Variants in NKAIN2 observed in about 807,000 individuals in gnomAD.
NKAIN2 encodes the protein sodium/potassium-transporting ATPase subunit beta-1-interacting protein 2.
A neutral mutation model predicts 32.6 loss-of-function variants in NKAIN2; 14 were observed. The ratio of observed to expected loss-of-function variants is 0.43; its 90% confidence interval spans 0.28 to 0.67. NKAIN2 has a LOEUF of 0.67. NKAIN2 is among the 30% of genes least tolerant of loss of function. The pLI, the probability that NKAIN2 is intolerant of heterozygous loss-of-function variation, is 0.17. For missense variants in NKAIN2, 198 were observed against 258.3 expected (o/e 0.77, Z 1.60); for synonymous variants, 80 against 87.2 (o/e 0.92, Z 0.46).
At chr6:124,050,807 G>C (rs1361909038) in intron 1 of NKAIN2, among the ~76,000 whole-genome samples, 1 of 151,960 alleles carries the variant, frequency 6.6e-6, no homozygotes, top group African/African-American at 2.4e-5. Flanking sequence ...AAAAACTTGA[G>C]TTTTTCAAAT....
chr6:124,560,926 G>A (rs968213922), intron 3 of NKAIN2, among the ~76,000 whole-genome samples: 7 of 152,178 alleles, frequency 4.6e-5, no homozygotes, highest in Non-Finnish European at 7.3e-5. Context: ...GGAAGATGCT[G>A]CAGAGGTAGG....
chr6:124,223,037 C>A (rs897261052), intron 1 of NKAIN2, among the ~76,000 whole-genome samples: 6 of 151,802 alleles, frequency 4.0e-5, no homozygotes, highest in African/African-American at 1.2e-4. Flanking sequence ...CATGGTGAAA[C>A]CCTGTCTCTA....
At chr6:124,643,848 A>C (rs766948484) in intron 3 of NKAIN2, among the ~76,000 whole-genome samples, 1 of 152,128 alleles carries the variant, frequency 6.6e-6, no homozygotes, top group Non-Finnish European at 1.5e-5. Flanking sequence ...TGCAACTCTC[A>C]CACTCCATCT....
intron 3 of NKAIN2, among the ~76,000 whole-genome samples, chr6:124,600,501 T>C (rs2114979484): frequency 6.6e-6 from 1 of 152,250 alleles, no homozygotes; most frequent in East Asian, 1.9e-4. Flanking sequence ...CAGGGATTCA[T>C]GTTTATAATT....
intron 1 of NKAIN2, among the ~76,000 whole-genome samples, chr6:124,018,294 C>T (rs1157163728): frequency 6.6e-6 from 1 of 152,184 alleles, no homozygotes; most frequent in Non-Finnish European, 1.5e-5. Context: ...TCCTTCTACA[C>T]TCTGGGCCTG....
intron 4 of NKAIN2, among the ~76,000 whole-genome samples, chr6:124,783,507 T>A (rs1194183044): frequency 6.6e-6 from 1 of 152,180 alleles, no homozygotes; most frequent in Non-Finnish European, 1.5e-5. Flanking sequence ...CAGTAGGCTG[T>A]GAACATTCAC....
chr6:124,571,605 G>T (rs117503923), intron 3 of NKAIN2, among the ~76,000 whole-genome samples: 1 of 152,100 alleles, frequency 6.6e-6, no homozygotes, highest in Non-Finnish European at 1.5e-5. Context: ...TGATTCTGAT[G>T]CCTCCTCAGC....
chr6:123,958,335 C>T (rs1439187089), intron 1 of NKAIN2, among the ~76,000 whole-genome samples: 4 of 152,206 alleles, frequency 2.6e-5, no homozygotes, highest in Non-Finnish European at 4.4e-5. Flanking sequence ...AGCCTTATCC[C>T]CATGAAGGCA....
chr6:123,860,708 C>T (rs1462010930), intron 1 of NKAIN2, among the ~76,000 whole-genome samples: 1 of 152,174 alleles, frequency 6.6e-6, no homozygotes, highest in Non-Finnish European at 1.5e-5. Context: ...CCATGCGTGG[C>T]AATAGTGTAT....
chr6:124,060,406 A>G (rs527975929), intron 1 of NKAIN2, among the ~76,000 whole-genome samples: 1 of 152,230 alleles, frequency 6.6e-6, no homozygotes, highest in Non-Finnish European at 1.5e-5. Context: ...CACGTCCTCC[A>G]CCCAGCTAGG....
At chr6:123,839,531 A>G (rs1774777869) in intron 1 of NKAIN2, among the ~76,000 whole-genome samples, 1 of 152,106 alleles carries the variant, frequency 6.6e-6, no homozygotes, top group Non-Finnish European at 1.5e-5. Flanking sequence ...CATTAAAAAA[A>G]ATGTTCTTAG....
At chr6:124,346,699 C>G (rs199730472) in intron 2 of NKAIN2, among the ~76,000 whole-genome samples, 9,096 of 151,592 alleles carry the variant, frequency 0.06, 508 homozygotes, top group African/African-American at 0.15. Context: ...AGATCTTCCT[C>G]CATCCTTTTA....
chr6:124,604,400 C>A (rs1457889765), intron 3 of NKAIN2, among the ~76,000 whole-genome samples: 3 of 152,000 alleles, frequency 2.0e-5, no homozygotes, highest in East Asian at 3.9e-4. Flanking sequence ...GTTTTATCTA[C>A]ATATTTGGGT....
intron 3 of NKAIN2, among the ~76,000 whole-genome samples, chr6:124,370,324 G>A (rs1167009337): frequency 6.6e-6 from 1 of 151,928 alleles, no homozygotes; most frequent in African/African-American, 2.4e-5. Flanking sequence ...CTCTTTATAG[G>A]TTATATTTTT....
At chr6:124,303,197 G>C (rs1366806707) in intron 2 of NKAIN2, among the ~76,000 whole-genome samples, 1 of 152,190 alleles carries the variant, frequency 6.6e-6, no homozygotes, top group Admixed American at 6.5e-5. Context: ...AATACAGAAT[G>C]ATATGATTAA....
chr6:123,850,355 A>T (rs34341105), intron 1 of NKAIN2, among the ~76,000 whole-genome samples: 45,158 of 132,992 alleles, frequency 0.34, 8,748 homozygotes, highest in Admixed American at 0.44. Flanking sequence ...AAAAAAAAAA[A>T]ATATATATAT....
At chr6:124,391,832 A>G (rs1295570647) in intron 3 of NKAIN2, among the ~76,000 whole-genome samples, 1 of 152,128 alleles carries the variant, frequency 6.6e-6, no homozygotes, top group Non-Finnish European at 1.5e-5. Context: ...TCCCTGTCCC[A>G]TACCCTACTA....
chr6:124,333,367 A>C (rs755318487), intron 2 of NKAIN2, among the ~76,000 whole-genome samples: 1 of 152,166 alleles, frequency 6.6e-6, no homozygotes, highest in African/African-American at 2.4e-5. Flanking sequence ...GGGAATAAAA[A>C]ATAAATGAAC....
chr6:124,023,449 C>T (rs962629560), intron 1 of NKAIN2, among the ~76,000 whole-genome samples: 5 of 151,972 alleles, frequency 3.3e-5, no homozygotes, highest in African/African-American at 9.7e-5. Context: ...ATTCTGTAAT[C>T]CTTTTCCATC....
Sources: gnomAD v4.1 joint callset for allele counts (sites outside exome capture counted in the v4.1 genomes callset) on GRCh38, gnomAD v4.1.1 for gene constraint, MANE v1.5 for transcripts, NCBI Gene and HGNC (gene_info 2026-07-23, HGNC 2026-07-21) for gene names.